RUFY1: variants seen among roughly 807,000 people sequenced by gnomAD.
The protein encoded by RUFY1 is RUN and FYVE domain containing 1.
In RUFY1, 54 loss-of-function variants were observed where a neutral mutation model predicts 94.6. The observed-to-expected ratio is 0.57, with a 90% confidence interval of 0.46 to 0.72. The LOEUF (loss-of-function observed/expected upper bound fraction) is 0.72, where lower values mean the gene tolerates loss of function less well. Among genes scored for constraint, RUFY1 ranks in the 30% least tolerant of loss-of-function variants. The pLI is 0.00. For synonymous variants in RUFY1, 396 were observed against 347.3 expected, an observed-to-expected ratio of 1.14 and a Z score of -1.56; for missense variants, 883 against 883.9, an observed-to-expected ratio of 1.00 and a Z score of 0.01.
intron 7 of RUFY1, among the ~76,000 whole-genome samples, chr5:179,582,503 G>A (rs1300332737): frequency 1.3e-5 from 2 of 152,114 alleles, no homozygotes; most frequent in Non-Finnish European, 2.9e-5. Flanking sequence ...TGGGTTATAG[G>A]CATGAGCCAC....
At position 179,562,614 on chromosome 5, in the gene RUFY1, T is replaced by C; in HGVS notation, c.552T>C (p.Cys184=). 5 of 1,611,210 alleles carry C rather than the reference T, an allele frequency of 3.1e-6. No homozygotes were observed. The highest frequency in any genetic ancestry group is 4.2e-6 in the Non-Finnish European group (5 of 1,177,372). The change falls in exon 3 of 18, where the codon TGT becomes TGC. Residue 184 remains cysteine, a synonymous_variant. Transcript: ENST00000319449. ...FGPLELVEKL[C]PEASDIATSV... Reference sequence around the variant, plus strand: ...CTTTGGAGCTGGTGGAGAAACTTTGTCCAGAAGCATCAGATATAGCGACTA... The same window carrying C: ...CTTTGGAGCTGGTGGAGAAACTTTGCCCAGAAGCATCAGATATAGCGACTA...
At chr5:179,561,627 G>A (rs1762457687) in intron 2 of RUFY1, among the ~76,000 whole-genome samples, 1 of 150,928 alleles carries the variant, frequency 6.6e-6, no homozygotes, top group South Asian at 2.1e-4. Context: ...GGAAAAAAAG[G>A]GGGAAGAATT....
At chr5:179,568,489 A>G (rs1441491215) in intron 4 of RUFY1, among the ~76,000 whole-genome samples, 1 of 152,236 alleles carries the variant, frequency 6.6e-6, no homozygotes, top group Non-Finnish European at 1.5e-5. Context: ...TGTCGAACAT[A>G]TCTTTACACG....
chr5:179,554,881 T>C (rs1762031759), intron 1 of RUFY1, among the ~76,000 whole-genome samples: 1 of 151,696 alleles, frequency 6.6e-6, no homozygotes, highest in Non-Finnish European at 1.5e-5. Flanking sequence ...GGCAGGAAAA[T>C]TGCTTGAAAC....
At chr5:179,569,243 A>C in intron 4 of RUFY1, 59 bp from the exon 5 acceptor site, 1 of 1,610,566 alleles carries the variant, frequency 6.2e-7, no homozygotes, top group East Asian at 2.2e-5. Context: ...AGGGTGGGGA[A>C]GGAGTGGGGA....
chr5:179,565,480 A>G (rs914437385), intron 3 of RUFY1, among the ~76,000 whole-genome samples: 1 of 152,042 alleles, frequency 6.6e-6, no homozygotes, highest in African/African-American at 2.4e-5. Flanking sequence ...CACCTGGCCT[A>G]CTTTCTAGGT....
At chr5:179,577,247 C>T in intron 6 of RUFY1, 111 bp downstream of exon 6, 1 of 646,662 alleles carries the variant, frequency 1.5e-6, no homozygotes. Flanking sequence ...TCTTGGCTCA[C>T]TGCAACCTCC....
chr5:179,579,602 G>GT (rs1763926515), intron 6 of RUFY1, among the ~76,000 whole-genome samples: 1 of 148,822 alleles, frequency 6.7e-6, no homozygotes, highest in Non-Finnish European at 1.5e-5. Context: ...AAAGTACTGG[G>GT]ATTACAGGCA....
At chr5:179,574,003 G>T (rs1055909110) in intron 5 of RUFY1, among the ~76,000 whole-genome samples, 1 of 152,044 alleles carries the variant, frequency 6.6e-6, no homozygotes, top group Admixed American at 6.6e-5. Flanking sequence ...CCCTGGATTT[G>T]ATATGTTTAC....
At chr5:179,588,454 G>C (rs536931808) in intron 8 of RUFY1, among the ~76,000 whole-genome samples, 77 of 152,188 alleles carry the variant, frequency 5.1e-4, no homozygotes, top group Non-Finnish European at 6.9e-4. Flanking sequence ...TCCTTAGGCA[G>C]GTCCTGGACA....
chr5:179,571,593 T>G (rs901988997), intron 5 of RUFY1, among the ~76,000 whole-genome samples: 1 of 152,076 alleles, frequency 6.6e-6, no homozygotes, highest in African/African-American at 2.4e-5. Context: ...AATTTGGGGT[T>G]GTTGTGTCAA....
At chr5:179,596,338 G>A in intron 12 of RUFY1, 2 of 637,078 alleles carry the variant, frequency 3.1e-6, no homozygotes, top group East Asian at 5.3e-5. Flanking sequence ...AAGCCATATT[G>A]TTGCAGGACA....
At chr5:179,580,878 T>G in intron 6 of RUFY1, 69 bp from the exon 7 acceptor site, 1 of 847,608 alleles carries the variant, frequency 1.2e-6, no homozygotes, top group Non-Finnish European at 1.9e-6. Flanking sequence ...ATTGGAATAT[T>G]GGGGAACAGT....
intron 12 of RUFY1, 145 bp from the exon 13 acceptor site, chr5:179,596,417 T>C (rs990998065): frequency 2.0e-6 from 2 of 1,010,728 alleles, no homozygotes; most frequent in Non-Finnish European, 3.1e-6. Flanking sequence ...ATTCTGATTG[T>C]GGTGGAGCTG....
In RUFY1 at chr5:179,594,943, C is replaced by T; in HGVS notation, c.1491C>T (p.Ser497=). The change falls in exon 12 of 18, where the codon AGC becomes AGT. Residue 497 remains serine (S), a synonymous_variant. Coordinates refer to ENST00000319449, the MANE Select transcript of RUFY1 (RefSeq NM_025158.5). The stretch of plus-strand genomic sequence containing the variant: ...GAAAAACCAACCAAGTTATGTCCAG[C>T]ATGAAACAAATGGAAGAAAGGTAAT... ...FEGKTNQVMS[S]MKQMEERLQH... is the part of the protein sequence containing the mutation. 1 of 1,611,020 alleles carries T rather than the reference C, an allele frequency of 6.2e-7. No homozygotes were observed. The highest frequency in any genetic ancestry group is 1.1e-5 in the South Asian group (1 of 91,000).
chr5:179,560,055 C>A lies in RUFY1; in HGVS notation c.341C>A (p.Ala114Asp). ...AAGTGCCAGATGATGGAGGAGCGTG[C>A]CAACCTGATGCACATGATGAAACTC... The part of the protein sequence containing the change: ...ASKCQMMEER[A>D]NLMHMMKLSI... The change falls in exon 2 of 18, where the codon GCC (alanine) becomes GAC (aspartate). Residue 114 changes from alanine to aspartate, a missense_variant. Coordinates refer to ENST00000319449, the MANE Select transcript of RUFY1 (RefSeq NM_025158.5). 1 of 1,613,904 alleles carries A rather than the reference C, an allele frequency of 6.2e-7. No individual in the cohort carries two copies. Among genetic ancestry groups the A allele is most frequent in the Non-Finnish European group, 8.5e-7 (1 of 1,179,970 alleles).
At chr5:179,605,733 G>A (rs564980626) in intron 15 of RUFY1, 143 bp from the exon 16 acceptor site, 17 of 705,996 alleles carry the variant, frequency 2.4e-5, no homozygotes, top group East Asian at 5.2e-5. Context: ...GTACAGAGGC[G>A]GAAGGCATTT....
chr5:179,573,645 C>T (rs536770136), intron 5 of RUFY1, among the ~76,000 whole-genome samples: 2 of 152,218 alleles, frequency 1.3e-5, no homozygotes, highest in East Asian at 3.9e-4. Context: ...GCCTCAGCCT[C>T]CTGAGTAGTT....
Position 179,585,318 on chromosome 5 carries a change from G to A in RUFY1, c.957-478G>A, listed in dbSNP as rs528705239. ...AGGCCGGGCACAGTGGTTCATGCCT[G>A]TAGTCCCAGCACTTTGGAAGGCCAG... is the stretch of plus-strand genomic sequence containing the variant. On this transcript the variant is annotated intron_variant, in intron 7 of 17. Coordinates refer to ENST00000319449, the MANE Select transcript of RUFY1 (RefSeq NM_025158.5). Among the ~76,000 whole-genome samples the A allele has an allele frequency of 9.2e-5, 14 of 152,330 alleles. 1 individual carries two copies. The South Asian group carries it at 2.1e-3, about 23-fold the overall frequency.
Sources: gnomAD v4.1 joint callset for allele counts (sites outside exome capture counted in the v4.1 genomes callset) on GRCh38, gnomAD v4.1.1 for gene constraint, MANE v1.5 for transcripts, NCBI Gene and HGNC (gene_info 2026-07-23, HGNC 2026-07-21) for gene names.